The following PLA2G15 variants were observed in gnomAD, a reference collection of about 807,000 sequenced individuals.
PLA2G15 encodes lysosomal phospholipase A and acyltransferase.
Under a neutral mutation model 40.9 loss-of-function variants are expected in PLA2G15, and 20 were observed. The observed-to-expected ratio is 0.49, with a 90% CI of 0.34 to 0.71. The LOEUF (loss-of-function observed/expected upper bound fraction) is 0.71, where lower values mean the gene tolerates loss of function less well. PLA2G15 is among the 30% of genes least tolerant of loss of function. The probability of loss-of-function intolerance (pLI) is 0.01; values close to 1 mark genes in which losing one functional copy is unlikely to be tolerated. For missense variants in PLA2G15, 471 were observed against 541.9 expected, an observed-to-expected ratio of 0.87 and a Z score of 1.30; for synonymous variants, 223 against 228.2, an observed-to-expected ratio of 0.98 and a Z score of 0.21.
In PLA2G15 at chr16:68,259,265, G is replaced by T. The variant is rs200562766; in HGVS notation, c.847G>T (p.Val283Leu). ...NYTWSPEKVF[V>L]QTPTINYTLR... ...CACATGGTCACCTGAGAAGGTGTTC[G>T]TGCAGACACCCACAATCAACTACAC... The change falls in exon 6 of 6, where the codon GTG becomes TTG. Residue 283 changes from valine (V) to leucine (L), a missense_variant. Physicochemically the swap from Val to Leu is conservative, Grantham distance 32. Transcript: ENST00000219345. The surrounding 1 kb of genome is among the most constrained non-coding windows in gnomAD (Gnocchi z 6.5). The T allele has an allele frequency of 6.2e-7, 1 of 1,613,930 alleles. No individual in the cohort carries two copies. Among genetic ancestry groups the T allele is most frequent in the Admixed American group, 1.7e-5 (1 of 60,030 alleles).
At chr16:68,248,995 A>G (rs1292910414) in intron 1 of PLA2G15, among the ~76,000 whole-genome samples, 1 of 152,170 alleles carries the variant, frequency 6.6e-6, no homozygotes, top group Non-Finnish European at 1.5e-5. Context: ...GTTGGAGACA[A>G]TGTTAGGGCC....
In PLA2G15 at chr16:68,245,416, C is replaced by A. The variant is rs1404253401; in HGVS notation, c.-11C>A. ...ACCTGCATCCCGGACCTGCGGCGAC[C>A]GTCGTACACCATGGGCCTCCACCTC... On this transcript the variant is annotated 5_prime_UTR_variant, in exon 1 of 6. Coordinates refer to ENST00000219345, the MANE Select transcript of PLA2G15 (RefSeq NM_012320.4). 1 of 1,601,996 alleles carries A rather than the reference C, an allele frequency of 6.2e-7. No individual in the cohort carries two copies. The highest frequency in any genetic ancestry group is 1.1e-5 in the South Asian group (1 of 91,032).
intron 1 of PLA2G15, among the ~76,000 whole-genome samples, chr16:68,247,736 C>A (rs2042320669): frequency 6.6e-6 from 1 of 152,302 alleles, no homozygotes; most frequent in South Asian, 2.1e-4. Context: ...TGGGATGGTG[C>A]CCAGGGAGGG....
chr16:68,259,513 G>A lies in PLA2G15; in HGVS notation c.1095G>A (p.Leu365=), dbSNP rs777021779. 1.9e-6 allele frequency: 3 copies of A among 1,613,134 alleles called. No homozygotes were observed. In the African/African-American group the frequency reaches 4.0e-5, roughly 22 times the overall value. The change falls in exon 6 of 6, where the codon TTG becomes TTA. Residue 365 remains leucine, a synonymous_variant. Transcript: ENST00000219345. The surrounding 1 kb of genome is among the most constrained non-coding windows in gnomAD (Gnocchi z 6.5). ...GTGACGGCGATGGTACTGTGAACTT[G>A]AAGAGTGCCCTGCAGTGCCAGGCCT... The part of the protein sequence containing the change: ...CFGDGDGTVN[L]KSALQCQAWQ...
At chr16:68,254,650 T>C (rs2042385976) in intron 2 of PLA2G15, 1 of 275,788 alleles carries the variant, frequency 3.6e-6, no homozygotes, top group Non-Finnish European at 6.9e-6. Flanking sequence ...AATTTTTGTA[T>C]TTTTAGTAGA....
intron 5 of PLA2G15, chr16:68,256,477 C>T (rs2042402903): frequency 6.5e-6 from 1 of 152,682 alleles, no homozygotes; most frequent in African/African-American, 2.4e-5. Flanking sequence ...GCTTTGGTCT[C>T]CACAATGACT....
chr16:68,254,352 T>TTTA (rs2042383595), intron 2 of PLA2G15: 1 of 148,904 alleles, frequency 6.7e-6, no homozygotes, highest in Non-Finnish European at 1.5e-5. Flanking sequence ...TATTTATTTA[T>TTTA]TTTTTTGAGA....
At position 68,249,426 on chromosome 16, in the gene PLA2G15, C is replaced by T. The variant is rs772109540; in HGVS notation, c.264C>T (p.Asp88=). ...AACTGCTGCTGCCTGTCATCATTGA[C>T]TGCTGGATTGACAATATCAGGTGGG... is the stretch of plus-strand genomic sequence containing the variant. ...NLELLLPVII[D]CWIDNIRLVY... Residue 88 remains aspartate, a synonymous_variant, in exon 2 of 6, where the codon GAC becomes GAT. Coordinates refer to ENST00000219345, the MANE Select transcript of PLA2G15 (RefSeq NM_012320.4). 2.5e-5 allele frequency: 40 copies of T among 1,614,016 alleles called. No individual in the cohort carries two copies. The African/African-American group carries it at 4.4e-4, about 18-fold the overall frequency.
rs2042431420 is a variant in PLA2G15 at position 68,259,771 on chromosome 16, CTT to C, written c.*115_*116del. On this transcript the variant is annotated 3_prime_UTR_variant, in exon 6 of 6. Transcript: ENST00000219345. The surrounding 1 kb of genome is among the most constrained non-coding windows in gnomAD (Gnocchi z 6.5). ...TGACTCACCATTCAAGGCCCCGAGT[CTT>C]GGACTGTGAAGCATCTGCCATGGGG... The C allele has an allele frequency of 3.2e-6, 3 of 938,310 alleles. No homozygotes were observed. The highest frequency in any genetic ancestry group is 3.2e-6 in the Non-Finnish European group (2 of 628,588). 58.1% of individuals were successfully genotyped at this position (938,310 alleles called of 1,614,324 possible). A position where few individuals can be genotyped will look rare whatever the true frequency, so the allele number is the denominator to read the frequency against.
chr16:68,255,119 G>T lies in PLA2G15; in HGVS notation c.403+82G>T. 1 of 1,078,800 alleles carries T rather than the reference G, an allele frequency of 9.3e-7. No homozygotes were observed. The highest frequency in any genetic ancestry group is 2.4e-5 in the East Asian group (1 of 42,304). 66.8% of individuals were successfully genotyped at this position (1,078,800 alleles called of 1,614,324 possible). Reference sequence around the variant, plus strand: ...GAGCTGGAGCTGGAGGAACTCTGCTGGTTTGTAGGGACAGCCTGTGAGCTG... The same window carrying T: ...GAGCTGGAGCTGGAGGAACTCTGCTTGTTTGTAGGGACAGCCTGTGAGCTG... On this transcript the variant is annotated intron_variant, in intron 3 of 5. Transcript: ENST00000219345. This position sits in a 1 kb window ranked among gnomAD's most constrained non-coding sequence, Gnocchi z 5.9.
Position 68,256,008 on chromosome 16 carries a change from C to G in PLA2G15, c.727+18C>G, listed in dbSNP as rs753698308. ...GGCTTCAGGTAAGACCCTACCTGGC[C>G]CAGCGTGGGGGGCTGTTGCCAGGAA... On this transcript the variant is annotated intron_variant, in intron 5 of 5. Coordinates refer to ENST00000219345, the MANE Select transcript of PLA2G15 (RefSeq NM_012320.4). 3 of 1,523,576 alleles carry G rather than the reference C, an allele frequency of 2.0e-6. No individual in the cohort carries two copies. The South Asian group carries it at 3.5e-5, about 18-fold the overall frequency. The allele number at this position is 1,523,576 out of a possible 1,614,324, so 94.4% of individuals were successfully genotyped here.
At chr16:68,258,965 GAA>G (rs1004553977) in intron 5 of PLA2G15, 179 bp from the exon 6 acceptor site, 25 of 588,278 alleles carry the variant, frequency 4.2e-5, no homozygotes, top group Non-Finnish European at 7.2e-5. Flanking sequence ...GTCTCAAAAA[GAA>G]AAAAAAAGAG....
intron 2 of PLA2G15, 86 bp from the exon 3 acceptor site, chr16:68,254,833 G>A: frequency 1.2e-6 from 1 of 819,672 alleles, no homozygotes; most frequent in Non-Finnish European, 2.1e-6. Flanking sequence ...TGAGAAGGGA[G>A]TATGACTCAG....
chr16:68,255,862 G>A lies in PLA2G15; in HGVS notation c.599G>A (p.Gly200Asp), dbSNP rs1486201576. ...GPVVLVAHSM[G>D]NMYTLYFLQR... ...GTGGTGCTGGTTGCCCACAGTATGG[G>A]CAACATGTACACGCTCTACTTTCTG... is the stretch of plus-strand genomic sequence containing the variant. Residue 200 changes from glycine (G) to aspartate (D), a missense_variant, in exon 5 of 6, where the codon GGC becomes GAC. Physicochemically the swap from Gly to Asp is moderately conservative, Grantham distance 94 (BLOSUM62 -1). Transcript: ENST00000219345. The surrounding 1 kb of genome is among the most constrained non-coding windows in gnomAD (Gnocchi z 5.9). The A allele has an allele frequency of 2.5e-6, 4 of 1,614,006 alleles. No individual in the cohort carries two copies. The highest frequency in any genetic ancestry group is 2.5e-6 in the Non-Finnish European group (3 of 1,179,974).
Position 68,259,261 on chromosome 16 carries a change from G to A in PLA2G15, c.843G>A (p.Val281=). 1 of 1,613,990 alleles carries A rather than the reference G, an allele frequency of 6.2e-7. No individual in the cohort carries two copies. The highest frequency in any genetic ancestry group is 8.5e-7 in the Non-Finnish European group (1 of 1,180,046). Residue 281 remains valine, a synonymous_variant, in exon 6 of 6, where the codon GTG becomes GTA. Transcript: ENST00000219345. This position sits in a 1 kb window ranked among gnomAD's most constrained non-coding sequence, Gnocchi z 6.5. ...PYNYTWSPEK[V]FVQTPTINYT... is the part of the protein sequence containing the mutation. ...ACTACACATGGTCACCTGAGAAGGT[G>A]TTCGTGCAGACACCCACAATCAACT...
At chr16:68,250,146 C>G (rs2042341554) in intron 2 of PLA2G15, among the ~76,000 whole-genome samples, 2 of 150,916 alleles carry the variant, frequency 1.3e-5, no homozygotes, top group Admixed American at 6.6e-5. Context: ...ATTTCTACAC[C>G]CTTTGCCTGA....
intron 2 of PLA2G15, chr16:68,253,490 C>T (rs1468576663): frequency 1.4e-5 from 6 of 434,728 alleles, no homozygotes; most frequent in African/African-American, 1.0e-4. Context: ...CTTCTCCTGC[C>T]TCAGACTCCG....
At chr16:68,257,503 C>T (rs1215185287) in intron 5 of PLA2G15, among the ~76,000 whole-genome samples, 1 of 152,200 alleles carries the variant, frequency 6.6e-6, no homozygotes, top group Non-Finnish European at 1.5e-5. Flanking sequence ...TGCAGCTCAC[C>T]AGCTGCAGCT....
intron 5 of PLA2G15, chr16:68,258,823 GGT>G: frequency 3.4e-6 from 1 of 296,746 alleles, no homozygotes; most frequent in Non-Finnish European, 6.2e-6. Flanking sequence ...CATGAGGCAT[GGT>G]GGCGCATACC....
Sources: gnomAD v4.1 joint callset for allele counts (sites outside exome capture counted in the v4.1 genomes callset) on GRCh38, gnomAD v4.1.1 for gene constraint, Gnocchi (gnomAD v3.1) non-coding constraint, MANE v1.5 for transcripts, NCBI Gene and HGNC (gene_info 2026-07-23, HGNC 2026-07-21) for gene names.